BICC1: variants seen among roughly 807,000 people sequenced by gnomAD.
The protein encoded by BICC1 is protein bicaudal C homolog 1.
Under a neutral mutation model 111.0 loss-of-function variants are expected in BICC1, and 43 were observed. The observed-to-expected ratio is 0.39, with a 90% CI of 0.30 to 0.50. The LOEUF is 0.50. Among genes scored for constraint, BICC1 ranks in the 20% least tolerant of loss-of-function variants. The pLI, the probability that BICC1 is intolerant of heterozygous loss-of-function variation, is 0.88. For missense variants in BICC1, 1,091 were observed against 1,203.2 expected (o/e 0.91, Z 1.38); for synonymous variants, 467 against 434.4 (o/e 1.07, Z -0.93).
chr10:58,791,999 C>T (rs1843194686), intron 8 of BICC1, among the ~76,000 whole-genome samples: 2 of 151,996 alleles, frequency 1.3e-5, no homozygotes, highest in Non-Finnish European at 2.9e-5. Context: ...ACTATGTTGG[C>T]CAGGCTGATC....
intron 3 of BICC1, among the ~76,000 whole-genome samples, chr10:58,738,956 T>G (rs1387360870): frequency 2.6e-5 from 4 of 152,138 alleles, no homozygotes; most frequent in Admixed American, 6.6e-5. Context: ...CTTTGCTGAA[T>G]TTGCTTATCA....
chr10:58,651,869 G>A (rs988879167), intron 2 of BICC1, among the ~76,000 whole-genome samples: 1 of 152,048 alleles, frequency 6.6e-6, no homozygotes, highest in East Asian at 1.9e-4. Flanking sequence ...CTTGGCAAAG[G>A]TAGACATGAT....
chr10:58,570,599 GAACTGCTTCTTACTTT>G (rs1299873701), intron 1 of BICC1, among the ~76,000 whole-genome samples: 2 of 152,084 alleles, frequency 1.3e-5, no homozygotes, highest in African/African-American at 4.8e-5. Context: ...TTCAGCTTTA[GAACTGCTTCTTACTTT>G]GGCTTTGTAT....
chr10:58,744,232 T>C (rs949993146), intron 3 of BICC1, among the ~76,000 whole-genome samples: 1 of 152,132 alleles, frequency 6.6e-6, no homozygotes, highest in African/African-American at 2.4e-5. Flanking sequence ...AAAATAGTAT[T>C]GTTTTATGAT....
intron 2 of BICC1, among the ~76,000 whole-genome samples, chr10:58,648,148 A>G (rs1187872057): frequency 6.6e-6 from 1 of 152,246 alleles, no homozygotes; most frequent in Non-Finnish European, 1.5e-5. Flanking sequence ...GCCATTAGGC[A>G]TAAGTAAGGG....
chr10:58,773,847 C>T (rs534884104), intron 3 of BICC1, among the ~76,000 whole-genome samples: 10 of 152,302 alleles, frequency 6.6e-5, no homozygotes, highest in Admixed American at 3.3e-4. Context: ...CGTTAATAGG[C>T]GGCTTAATCA....
At chr10:58,807,202 C>T in intron 17 of BICC1, 44 bp downstream of exon 17, 1 of 1,570,028 alleles carries the variant, frequency 6.4e-7, no homozygotes, top group Non-Finnish European at 8.7e-7. Context: ...TCTGTTCTTT[C>T]AGCAAAAGAG....
At chr10:58,615,795 G>A (rs1845584091) in intron 1 of BICC1, among the ~76,000 whole-genome samples, 1 of 152,182 alleles carries the variant, frequency 6.6e-6, no homozygotes, top group East Asian at 1.9e-4. Flanking sequence ...AGTGGCAGCT[G>A]TACTGCTTAA....
intron 3 of BICC1, among the ~76,000 whole-genome samples, chr10:58,741,632 G>A (rs1370512368): frequency 6.6e-6 from 1 of 152,170 alleles, no homozygotes; most frequent in African/African-American, 2.4e-5. Flanking sequence ...TAAGACTCAT[G>A]TTGAGAGAGG....
chr10:58,666,270 A>G (rs1375035976), intron 2 of BICC1, among the ~76,000 whole-genome samples: 2 of 152,230 alleles, frequency 1.3e-5, no homozygotes, highest in African/African-American at 2.4e-5. Context: ...CAGGTTGAAC[A>G]TTCAGCAGAC....
chr10:58,724,978 G>C (rs1261058233), intron 3 of BICC1, among the ~76,000 whole-genome samples: 1 of 152,290 alleles, frequency 6.6e-6, no homozygotes, highest in African/African-American at 2.4e-5. Flanking sequence ...TTTGAGGTTA[G>C]ACACCTGTCT....
intron 1 of BICC1, among the ~76,000 whole-genome samples, chr10:58,524,823 G>A (rs191534323): frequency 6.6e-6 from 1 of 152,254 alleles, no homozygotes; most frequent in Admixed American, 6.5e-5. Context: ...CTCCCAAAGG[G>A]CTAATATCCA....
chr10:58,800,665 C>G (rs1843514857), intron 13 of BICC1, among the ~76,000 whole-genome samples: 1 of 152,114 alleles, frequency 6.6e-6, no homozygotes, highest in Admixed American at 6.6e-5. Flanking sequence ...TTTACCCACC[C>G]CCTGCCCCAC....
chr10:58,752,187 C>T (rs1194394996), intron 3 of BICC1, among the ~76,000 whole-genome samples: 1 of 152,094 alleles, frequency 6.6e-6, no homozygotes, highest in Non-Finnish European at 1.5e-5. Flanking sequence ...TTCACTGGCA[C>T]CGCAAAGTGT....
intron 15 of BICC1, among the ~76,000 whole-genome samples, chr10:58,805,337 G>A (rs1282497751): frequency 6.6e-6 from 1 of 152,016 alleles, no homozygotes; most frequent in Non-Finnish European, 1.5e-5. Flanking sequence ...AGTCATCGAG[G>A]CTGTAGCTTA....
chr10:58,693,656 C>T (rs1839981009), intron 2 of BICC1, among the ~76,000 whole-genome samples: 4 of 152,008 alleles, frequency 2.6e-5, no homozygotes, highest in Admixed American at 2.0e-4. Flanking sequence ...GCATAAATGT[C>T]TTCTTTTGAG....
At chr10:58,664,719 T>G (rs1457784300) in intron 2 of BICC1, among the ~76,000 whole-genome samples, 1 of 152,004 alleles carries the variant, frequency 6.6e-6, no homozygotes, top group Non-Finnish European at 1.5e-5. Flanking sequence ...CACTTTTGTG[T>G]CTTGTAATTT....
At chr10:58,733,720 C>T (rs932724089) in intron 3 of BICC1, among the ~76,000 whole-genome samples, 3 of 152,352 alleles carry the variant, frequency 2.0e-5, no homozygotes, top group African/African-American at 7.2e-5. Flanking sequence ...TTGGCTGCTG[C>T]TGTTGATCAG....
intron 3 of BICC1, among the ~76,000 whole-genome samples, chr10:58,742,823 A>G (rs1365518701): frequency 6.6e-6 from 1 of 152,096 alleles, no homozygotes; most frequent in African/African-American, 2.4e-5. Flanking sequence ...ATATTGATTG[A>G]TTGAAGCTGA....
Sources: gnomAD v4.1 joint callset for allele counts (sites outside exome capture counted in the v4.1 genomes callset) on GRCh38, gnomAD v4.1.1 for gene constraint, MANE v1.5 for transcripts, NCBI Gene and HGNC (gene_info 2026-07-23, HGNC 2026-07-21) for gene names.